PGR: variants seen among roughly 807,000 people sequenced by gnomAD.
The protein encoded by PGR is nuclear receptor subfamily 3 group C member 3.
A neutral mutation model predicts 76.1 loss-of-function variants in PGR; 25 were observed. The ratio of observed to expected loss-of-function variants is 0.33; its 90% confidence interval spans 0.24 to 0.46. The LOEUF is 0.46. Ranked by LOEUF, PGR falls within the 20% of genes least tolerant of loss-of-function variation. PGR has a pLI of 1.00. For missense variants in PGR, 1,172 were observed against 1,225.3 expected, an observed-to-expected ratio of 0.96 and a Z score of 0.65; for synonymous variants, 579 against 535.0, an observed-to-expected ratio of 1.08 and a Z score of -1.14.
At chr11:101,088,319 G>C (rs1198257004) in intron 3 of PGR, among the ~76,000 whole-genome samples, 4 of 152,096 alleles carry the variant, frequency 2.6e-5, no homozygotes, top group Non-Finnish European at 5.9e-5. Flanking sequence ...AAATTGGTTT[G>C]AACACTTCTC....
At chr11:101,093,490 C>T (rs954762304) in intron 2 of PGR, among the ~76,000 whole-genome samples, 4 of 152,092 alleles carry the variant, frequency 2.6e-5, no homozygotes, top group Non-Finnish European at 4.4e-5. Flanking sequence ...GACGGAGTTT[C>T]GCTCTTGTTG....
intron 2 of PGR, among the ~76,000 whole-genome samples, chr11:101,112,027 C>T (rs1297472238): frequency 6.6e-6 from 1 of 151,974 alleles, no homozygotes; most frequent in Non-Finnish European, 1.5e-5. Flanking sequence ...AAAGTATTTG[C>T]AGGAAGGTGG....
intron 6 of PGR, among the ~76,000 whole-genome samples, chr11:101,045,546 C>G (rs138383329): frequency 6.6e-6 from 1 of 152,230 alleles, no homozygotes; most frequent in Non-Finnish European, 1.5e-5. Flanking sequence ...TAAGCGAGAA[C>G]ATGTGGTATC....
At chr11:101,115,081 A>G (rs1329113813) in intron 2 of PGR, among the ~76,000 whole-genome samples, 2 of 152,152 alleles carry the variant, frequency 1.3e-5, no homozygotes, top group East Asian at 1.9e-4. Flanking sequence ...AAACCTCATG[A>G]AAAGAATTAT....
chr11:101,071,953 A>T (rs2135425561), intron 3 of PGR, among the ~76,000 whole-genome samples: 1 of 152,310 alleles, frequency 6.6e-6, no homozygotes, highest in South Asian at 2.1e-4. Flanking sequence ...ACAGGCCAAC[A>T]TTCAAATTCA....
chr11:101,123,171 G>A (rs576112069), intron 2 of PGR, among the ~76,000 whole-genome samples: 140 of 152,248 alleles, frequency 9.2e-4, no homozygotes, highest in Non-Finnish European at 1.7e-3. Flanking sequence ...TAAAGTGGGA[G>A]TAATAATAAT....
chr11:101,105,576 G>A (rs1257895106), intron 2 of PGR, among the ~76,000 whole-genome samples: 1 of 150,470 alleles, frequency 6.6e-6, no homozygotes, highest in South Asian at 2.1e-4. Context: ...GAAAATCAGA[G>A]AGGACACAAA....
chr11:101,108,524 A>G (rs1364578619), intron 2 of PGR, among the ~76,000 whole-genome samples: 1 of 152,208 alleles, frequency 6.6e-6, no homozygotes, highest in Non-Finnish European at 1.5e-5. Flanking sequence ...ACTTGACTAC[A>G]ATAAGAGTTT....
In PGR at chr11:101,062,750, G is replaced by A. The variant is rs1209629034; in HGVS notation, c.1909C>T (p.Arg637Ter). ...CCQAGMVLGG[R>*]KFKKFNKVRV... is the part of the protein sequence containing the mutation. ...ACTTTATTGAACTTTTTAAATTTTCGACCTACAGAGAAGAAAAAAAAGAAA... is the reference window on the plus strand; with the variant it reads ...ACTTTATTGAACTTTTTAAATTTTCAACCTACAGAGAAGAAAAAAAAGAAA... The change falls in exon 4 of 8, where the codon CGA (arginine) becomes TGA (stop). Residue 637 changes from arginine (R) to a stop codon, truncating the protein, a stop_gained and splice_region_variant. Transcript: ENST00000325455. LOFTEE classifies it high-confidence loss of function. The A allele has an allele frequency of 6.2e-7, 1 of 1,607,038 alleles. No individual in the cohort carries two copies.
intron 2 of PGR, among the ~76,000 whole-genome samples, chr11:101,116,739 C>CAAAAAAA (rs11300466): frequency 2.9e-5 from 2 of 68,968 alleles, no homozygotes; most frequent in Non-Finnish European, 5.3e-5. Context: ...GATTCCACCT[C>CAAAAAAA]AAAAAAAAAA....
intron 3 of PGR, among the ~76,000 whole-genome samples, chr11:101,069,023 CT>C (rs1320837974): frequency 6.6e-6 from 1 of 152,114 alleles, no homozygotes; most frequent in Non-Finnish European, 1.5e-5. Context: ...CAAATGGGAT[CT>C]AATTAAACTA....
At chr11:101,046,674 G>C (rs961310997) in intron 6 of PGR, among the ~76,000 whole-genome samples, 1 of 151,820 alleles carries the variant, frequency 6.6e-6, no homozygotes, top group Non-Finnish European at 1.5e-5. Flanking sequence ...TTAATTATTT[G>C]AGTGTTTACA....
Position 101,029,626 on chromosome 11 carries a change from G to T in PGR, c.*9490C>A, listed in dbSNP as rs983846298. Reference sequence around the variant, plus strand: ...TAATTCATTAATAAAGAGAGATATAGAAATTAGTTTATTCTTTATTATCAC... The same window carrying T: ...TAATTCATTAATAAAGAGAGATATATAAATTAGTTTATTCTTTATTATCAC... On this transcript the variant is annotated 3_prime_UTR_variant, in exon 8 of 8. Transcript: ENST00000325455. 5.4e-6 allele frequency: 1 copy of T among 186,852 alleles called. No homozygotes were observed. Among genetic ancestry groups the T allele is most frequent in the Admixed American group, 6.2e-5 (1 of 16,148 alleles). 11.6% of individuals were successfully genotyped at this position (186,852 alleles called of 1,614,324 possible).
intron 2 of PGR, among the ~76,000 whole-genome samples, chr11:101,110,139 T>A (rs1202262572): frequency 6.6e-6 from 1 of 152,224 alleles, no homozygotes; most frequent in East Asian, 1.9e-4. Context: ...TCATGCCTGC[T>A]AACACAACAT....
chr11:101,035,470 A>G lies in PGR; in HGVS notation c.*3646T>C. The stretch of plus-strand genomic sequence containing the variant: ...CATAGATTTCTTGTGGGCATTTTAT[A>G]TCATAACCTTCTTAGGGATAGGGAT... On this transcript the variant is annotated 3_prime_UTR_variant, in exon 8 of 8. Transcript: ENST00000325455. The G allele has an allele frequency of 4.3e-6, 1 of 231,820 alleles. No individual in the cohort carries two copies. Among genetic ancestry groups the G allele is most frequent in the Non-Finnish European group, 8.5e-6 (1 of 117,178 alleles). The allele number at this position is 231,820 out of a possible 1,614,324, so 14.4% of individuals were successfully genotyped here.
intron 4 of PGR, among the ~76,000 whole-genome samples, chr11:101,061,894 ACT>A (rs1490255060): frequency 6.6e-6 from 1 of 151,976 alleles, no homozygotes; most frequent in African/African-American, 2.4e-5. Context: ...TGGGCGATAT[ACT>A]CTCTTTGGGT....
chr11:101,059,038 C>CA (rs1860390899), intron 4 of PGR, among the ~76,000 whole-genome samples: 1 of 152,038 alleles, frequency 6.6e-6, no homozygotes, highest in African/African-American at 2.4e-5. Context: ...GGACCCCCCA[C>CA]ACTTGAAAAG....
chr11:101,088,575 A>G (rs1861571947), intron 3 of PGR, among the ~76,000 whole-genome samples: 1 of 152,026 alleles, frequency 6.6e-6, no homozygotes, highest in Admixed American at 6.6e-5. Flanking sequence ...CTCATGATCC[A>G]CCTGCGTTGG....
intron 4 of PGR, among the ~76,000 whole-genome samples, chr11:101,062,114 G>A (rs1374776242): frequency 6.6e-6 from 1 of 152,044 alleles, no homozygotes; most frequent in Non-Finnish European, 1.5e-5. Context: ...AGAATAAATA[G>A]GGCATTTATA....
Sources: allele counts gnomAD v4.1 joint callset (sites outside exome capture counted in the v4.1 genomes callset), GRCh38; gene constraint gnomAD v4.1.1; transcripts MANE v1.5; gene names NCBI Gene and HGNC (gene_info 2026-07-23, HGNC 2026-07-21).